PTK2: variants seen among roughly 807,000 people sequenced by gnomAD.
PTK2 encodes the protein protein tyrosine kinase 2.
PTK2 carries 45 observed loss-of-function variants against 150.1 expected under a neutral mutation model. The observed-to-expected ratio is 0.30, with a 90% CI of 0.24 to 0.38. The LOEUF (loss-of-function observed/expected upper bound fraction) is 0.38, where lower values mean the gene tolerates loss of function less well. Ranked by LOEUF, PTK2 falls within the 10% of genes least tolerant of loss-of-function variation. PTK2 has a pLI of 1.00. For synonymous variants in PTK2, 432 were observed against 449.2 expected (o/e 0.96, Z 0.48); for missense variants, 919 against 1,307.3 (o/e 0.70, Z 4.58).
intron 26 of PTK2, among the ~76,000 whole-genome samples, chr8:140,695,401 A>C (rs1022283135): frequency 1.3e-5 from 2 of 151,268 alleles, no homozygotes; most frequent in African/African-American, 2.4e-5. Flanking sequence ...AAGCAACGCT[A>C]AGGTGGTCCT....
At chr8:140,751,657 A>C (rs2100062766) in intron 17 of PTK2, among the ~76,000 whole-genome samples, 1 of 151,880 alleles carries the variant, frequency 6.6e-6, no homozygotes, top group Non-Finnish European at 1.5e-5. Flanking sequence ...ATGCACGGCT[A>C]ATTTTTTGTA....
intron 1 of PTK2, among the ~76,000 whole-genome samples, chr8:140,994,559 C>T (rs1589144354): frequency 6.6e-6 from 1 of 152,146 alleles, no homozygotes; most frequent in South Asian, 2.1e-4. Context: ...GTTGCCCAGG[C>T]TGATCTTGAA....
chr8:140,898,730 C>G (rs1009571205), intron 2 of PTK2, among the ~76,000 whole-genome samples: 7 of 152,104 alleles, frequency 4.6e-5, no homozygotes, highest in African/African-American at 1.7e-4. Flanking sequence ...TTTATAATTA[C>G]TGTACATGTT....
chr8:140,927,970 AAAAAAATAT>A (rs1412595749), intron 1 of PTK2, among the ~76,000 whole-genome samples: 15 of 93,484 alleles, frequency 1.6e-4, no homozygotes, highest in African/African-American at 6.4e-4. Context: ...AAAAAAAAAA[AAAAAAATAT>A]ATATATATAT....
At chr8:140,673,592 C>T (rs2100011880) in intron 29 of PTK2, among the ~76,000 whole-genome samples, 2 of 152,188 alleles carry the variant, frequency 1.3e-5, no homozygotes, top group Non-Finnish European at 2.9e-5. Context: ...CATCTCCTTA[C>T]AGGACACAGG....
At chr8:140,831,168 C>G (rs2154602953) in intron 7 of PTK2, among the ~76,000 whole-genome samples, 1 of 152,262 alleles carries the variant, frequency 6.6e-6, no homozygotes, top group Non-Finnish European at 1.5e-5. Context: ...TTAAATTGAT[C>G]ATTATTATCA....
chr8:140,999,982 T>C (rs2100199349), intron 1 of PTK2, among the ~76,000 whole-genome samples: 1 of 148,266 alleles, frequency 6.7e-6, no homozygotes, highest in Non-Finnish European at 1.5e-5. Context: ...GCAGGCTAAC[T>C]ATGCAAGAAT....
At chr8:140,714,183 C>T (rs111985299) in intron 23 of PTK2, among the ~76,000 whole-genome samples, 6 of 152,274 alleles carry the variant, frequency 3.9e-5, no homozygotes, top group Non-Finnish European at 5.9e-5. Flanking sequence ...TCACCACACC[C>T]GGCCTGTAAG....
intron 5 of PTK2, among the ~76,000 whole-genome samples, chr8:140,850,561 TAAA>T (rs538920575): frequency 1.2e-4 from 15 of 120,968 alleles, no homozygotes; most frequent in South Asian, 2.8e-4. Flanking sequence ...CCATCTCTAC[TAAA>T]AAAAAAAAAA....
At chr8:140,907,679 T>C (rs1249839400) in intron 2 of PTK2, among the ~76,000 whole-genome samples, 2 of 152,224 alleles carry the variant, frequency 1.3e-5, no homozygotes, top group Non-Finnish European at 2.9e-5. Flanking sequence ...ATTTTGGTAA[T>C]GCTCACAATT....
At chr8:140,748,443 G>A (rs2154498803) in intron 17 of PTK2, among the ~76,000 whole-genome samples, 1 of 149,310 alleles carries the variant, frequency 6.7e-6, no homozygotes, top group African/African-American at 2.5e-5. Context: ...CAGTGAGCCG[G>A]GATTGCGTCA....
At chr8:140,770,163 GTT>G (rs1656359952) in intron 14 of PTK2, among the ~76,000 whole-genome samples, 1 of 152,202 alleles carries the variant, frequency 6.6e-6, no homozygotes, top group South Asian at 2.1e-4. Context: ...TCCCATTTAA[GTT>G]TGCACAGAAT....
At chr8:140,826,234 A>C (rs1031099672) in intron 8 of PTK2, among the ~76,000 whole-genome samples, 1 of 152,222 alleles carries the variant, frequency 6.6e-6, no homozygotes, top group Admixed American at 6.5e-5. Context: ...ATTTCTAGCT[A>C]GCTGAAGTTT....
intron 1 of PTK2, among the ~76,000 whole-genome samples, chr8:140,950,964 T>G (rs2100179361): frequency 6.6e-6 from 1 of 152,064 alleles, no homozygotes; most frequent in Admixed American, 6.6e-5. Flanking sequence ...TACCTAATAA[T>G]ATAAATAATA....
intron 2 of PTK2, among the ~76,000 whole-genome samples, chr8:140,912,561 AT>A (rs1444389796): frequency 2.6e-5 from 4 of 152,148 alleles, no homozygotes; most frequent in African/African-American, 9.7e-5. Flanking sequence ...AACTGAATAG[AT>A]GCAGAAAAAG....
intron 11 of PTK2, among the ~76,000 whole-genome samples, chr8:140,801,162 G>A (rs2100094791): frequency 6.6e-6 from 1 of 152,120 alleles, no homozygotes; most frequent in South Asian, 2.1e-4. Context: ...AGAATCACAG[G>A]GCAGAAGAGT....
At chr8:140,659,022 T>C (rs571325153) in exon 32 of PTK2, 92 of 230,388 alleles carry the variant, frequency 4.0e-4, no homozygotes, top group African/African-American at 1.9e-3. Context: ...AATAATTCTA[T>C]GGTAGACAAA....
chr8:140,968,155 C>T (rs1016721943), intron 1 of PTK2, among the ~76,000 whole-genome samples: 48 of 152,172 alleles, frequency 3.2e-4, no homozygotes, highest in African/African-American at 1.1e-3. Context: ...AAGCTACTGA[C>T]TAAACCAATA....
intron 14 of PTK2, among the ~76,000 whole-genome samples, chr8:140,779,909 C>T (rs1448208919): frequency 6.6e-6 from 1 of 152,130 alleles, no homozygotes; most frequent in Non-Finnish European, 1.5e-5. Context: ...TGTGTTCCAG[C>T]AAACAGGTTT....
Sources: gnomAD v4.1 joint callset for allele counts (sites outside exome capture counted in the v4.1 genomes callset) on GRCh38, gnomAD v4.1.1 for gene constraint, MANE v1.5 for transcripts, NCBI Gene and HGNC (gene_info 2026-07-23, HGNC 2026-07-21) for gene names.